Variants in CAMK2B observed in about 807,000 individuals in gnomAD.
CAMK2B encodes calcium/calmodulin dependent protein kinase II beta, also known as calcium/calmodulin-dependent protein kinase type II subunit beta.
In CAMK2B, 27 loss-of-function variants were observed where a neutral mutation model predicts 93.7. That is an observed-to-expected ratio of 0.29 (90% CI 0.21 to 0.40). The LOEUF (loss-of-function observed/expected upper bound fraction) is 0.40. Ranked by LOEUF, CAMK2B falls within the 10% of genes least tolerant of loss-of-function variation. The pLI, the probability that CAMK2B is intolerant of heterozygous loss-of-function variation, is 1.00. For synonymous variants in CAMK2B, 374 were observed against 358.8 expected, an observed-to-expected ratio of 1.04 and a Z score of -0.48; for missense variants, 568 against 895.8, an observed-to-expected ratio of 0.63 and a Z score of 4.67.
At chr7:44,232,624 G>C (rs528646247) in intron 16 of CAMK2B, among the ~76,000 whole-genome samples, 198 bp downstream of exon 16, 1 of 152,240 alleles carries the variant, frequency 6.6e-6, no homozygotes, top group South Asian at 2.1e-4. Context: ...AGCACCTCCA[G>C]GGGCGCGCCT....
At chr7:44,289,961 C>A (rs1358081826) in intron 1 of CAMK2B, among the ~76,000 whole-genome samples, 1 of 152,232 alleles carries the variant, frequency 6.6e-6, no homozygotes, top group Non-Finnish European at 1.5e-5. Flanking sequence ...AGTTTCCTCC[C>A]CAAGTGCTGG....
chr7:44,235,607 G>A (rs1391308624), intron 13 of CAMK2B, among the ~76,000 whole-genome samples: 1 of 152,276 alleles, frequency 6.6e-6, no homozygotes, highest in African/African-American at 2.4e-5. Flanking sequence ...CAAGATTTGT[G>A]TTGGTTCGGG....
chr7:44,315,434 T>C (rs1455236370), intron 1 of CAMK2B, among the ~76,000 whole-genome samples: 1 of 152,206 alleles, frequency 6.6e-6, no homozygotes. Context: ...CTGATCTATG[T>C]ATTTATCCTT....
intron 23 of CAMK2B, chr7:44,219,733 C>T (rs1345873807): frequency 2.5e-6 from 1 of 400,024 alleles, no homozygotes; most frequent in Non-Finnish European, 4.5e-6. Flanking sequence ...GAACGCCCAT[C>T]TGGGGCTCTA....
chr7:44,274,030 C>T (rs1472762693), intron 2 of CAMK2B, among the ~76,000 whole-genome samples: 3 of 152,148 alleles, frequency 2.0e-5, no homozygotes, highest in East Asian at 3.9e-4. Context: ...AGGCCCTTTC[C>T]AGAATGCCCC....
chr7:44,289,708 A>G (rs1786197071), intron 1 of CAMK2B, among the ~76,000 whole-genome samples: 1 of 152,232 alleles, frequency 6.6e-6, no homozygotes, highest in South Asian at 2.1e-4. Flanking sequence ...AAGAGCCGGC[A>G]GTGTGATTCT....
intron 13 of CAMK2B, among the ~76,000 whole-genome samples, chr7:44,235,894 T>C (rs3824063): frequency 0.15 from 23,013 of 152,272 alleles, 1,863 homozygotes; most frequent in South Asian, 0.24. Flanking sequence ...TGCCTGGGGA[T>C]CCCGTGCTGC....
chr7:44,308,919 C>T (rs942884757), intron 1 of CAMK2B, among the ~76,000 whole-genome samples: 2 of 152,090 alleles, frequency 1.3e-5, no homozygotes, highest in African/African-American at 2.4e-5. Flanking sequence ...GCCTGCCAGC[C>T]GGAAGGCCCA....
chr7:44,304,442 G>A (rs1790895506), intron 1 of CAMK2B, among the ~76,000 whole-genome samples: 1 of 152,152 alleles, frequency 6.6e-6, no homozygotes, highest in Admixed American at 6.5e-5. Context: ...CACAAAGACA[G>A]GTTCCTCCTC....
At chr7:44,310,062 G>C (rs916203922) in intron 1 of CAMK2B, among the ~76,000 whole-genome samples, 6 of 152,258 alleles carry the variant, frequency 3.9e-5, no homozygotes, top group African/African-American at 1.4e-4. Context: ...CCGCACGGTG[G>C]CCGAGACCGG....
At chr7:44,252,808 G>C (rs915372062) in intron 5 of CAMK2B, among the ~76,000 whole-genome samples, 2 of 152,214 alleles carry the variant, frequency 1.3e-5, no homozygotes, top group Non-Finnish European at 2.9e-5. Flanking sequence ...TCAGAGCAGG[G>C]GGACAGGGCT....
chr7:44,239,716 C>T (rs878972769), intron 12 of CAMK2B, 53 bp from the exon 13 acceptor site: 18 of 1,151,038 alleles, frequency 1.6e-5, no homozygotes, highest in African/African-American at 3.1e-5. Context: ...CGGACACAGA[C>T]GAGGGGTGGG....
intron 2 of CAMK2B, chr7:44,268,025 T>C (rs945577842): frequency 6.6e-6 from 1 of 152,264 alleles, no homozygotes; most frequent in South Asian, 2.1e-4. Flanking sequence ...GCACAACAGG[T>C]AGGGCCAAGT....
chr7:44,287,845 C>T (rs1157659455), intron 1 of CAMK2B, among the ~76,000 whole-genome samples: 3 of 152,260 alleles, frequency 2.0e-5, no homozygotes, highest in Non-Finnish European at 2.9e-5. Context: ...GCACCTCCCA[C>T]GTTCCTTAGG....
rs750321825 is a variant in CAMK2B at position 44,271,762 on chromosome 7, C to T, written c.161-8698G>A. Among the ~76,000 whole-genome samples the T allele has an allele frequency of 2.0e-5, 3 of 152,246 alleles. No individual in the cohort carries two copies. Among genetic ancestry groups the T allele is most frequent in the African/African-American group, 4.8e-5 (2 of 41,472 alleles). The stretch of plus-strand genomic sequence containing the variant: ...GACCCCAAAGTCAGCTTGGGCCATG[C>T]GGCAGGGACTGCCCATCCAGTCTCA... On this transcript the variant is annotated intron_variant, in intron 2 of 23. Coordinates refer to ENST00000395749, the MANE Select transcript of CAMK2B (RefSeq NM_001220.5). This position sits in a 1 kb window ranked among gnomAD's most constrained non-coding sequence, Gnocchi z 4.2.
At chr7:44,262,976 A>C in intron 3 of CAMK2B, 29 bp downstream of exon 3, 3 of 1,599,594 alleles carry the variant, frequency 1.9e-6, no homozygotes, top group Non-Finnish European at 2.6e-6. Flanking sequence ...GTGGGGACCC[A>C]TCCCCGCTCC....
rs766071048 is a variant in CAMK2B at position 44,234,592 on chromosome 7, G to T, written c.1059+47C>A. The T allele has an allele frequency of 8.1e-6, 13 of 1,609,032 alleles. No individual in the cohort carries two copies. The East Asian group carries it at 2.2e-4, about 28-fold the overall frequency. ...AGCCCCAGGGCGTGGGGGTGAAGCT[G>T]CAGGCTCTGGGCTCCCCGGCACCAC... On this transcript the variant is annotated intron_variant, in intron 14 of 23. Transcript: ENST00000395749.
intron 16 of CAMK2B, among the ~76,000 whole-genome samples, chr7:44,231,963 C>T (rs1275865957): frequency 6.6e-6 from 1 of 152,220 alleles, no homozygotes; most frequent in Admixed American, 6.5e-5. Flanking sequence ...TCAGAGTTCA[C>T]CACAGCCCAG....
At chr7:44,221,284 C>G (rs891101465) in intron 20 of CAMK2B, among the ~76,000 whole-genome samples, 47 of 152,320 alleles carry the variant, frequency 3.1e-4, no homozygotes, top group Non-Finnish European at 1.9e-4. Flanking sequence ...GCCCCTGGGC[C>G]CACCAGGCCT....
Sources: gnomAD v4.1 joint callset for allele counts (sites outside exome capture counted in the v4.1 genomes callset) on GRCh38, gnomAD v4.1.1 for gene constraint, Gnocchi (gnomAD v3.1) non-coding constraint, MANE v1.5 for transcripts, NCBI Gene and HGNC (gene_info 2026-07-23, HGNC 2026-07-21) for gene names.